The following RNMT variants were observed in gnomAD, a reference collection of about 807,000 sequenced individuals.
RNMT encodes the protein mRNA cap guanine-N(7) methyltransferase.
A neutral mutation model predicts 56.0 loss-of-function variants in RNMT; 27 were observed. The observed-to-expected ratio is 0.48, with a 90% CI of 0.36 to 0.67. The LOEUF (loss-of-function observed/expected upper bound fraction) is 0.67, where lower values mean the gene tolerates loss of function less well. Ranked by LOEUF, RNMT falls within the 30% of genes least tolerant of loss-of-function variation. RNMT has a pLI of 0.00. For synonymous variants in RNMT, 184 were observed against 176.2 expected (o/e 1.04, Z -0.35); for missense variants, 519 against 552.1 (o/e 0.94, Z 0.60).
At chr18:13,753,560 A>G (rs1347913827) in intron 10 of RNMT, among the ~76,000 whole-genome samples, 3 of 152,090 alleles carry the variant, frequency 2.0e-5, no homozygotes, top group African/African-American at 7.2e-5. Context: ...TCACAACGTC[A>G]GGAGATTGAG....
intron 9 of RNMT, among the ~76,000 whole-genome samples, chr18:13,746,808 G>A (rs573841932): frequency 3.9e-5 from 6 of 152,198 alleles, no homozygotes; most frequent in Non-Finnish European, 8.8e-5. Context: ...GTGCCTTTTG[G>A]TTACGACAGT....
chr18:13,735,566 C>G (rs1010174087), intron 4 of RNMT, among the ~76,000 whole-genome samples: 6 of 148,874 alleles, frequency 4.0e-5, no homozygotes, highest in Admixed American at 4.0e-4. Context: ...GGTTCTCTCT[C>G]TACCCCAGTC....
rs182450307 is a variant in RNMT, at chr18:13,745,179, G to A, written c.1140-1041G>A. ...CATTCCTTTACAGATGAATGTCTTC[G>A]AGACCATGTTCTGTATCCTAAGTGC... On this transcript the variant is annotated intron_variant, in intron 8 of 11. Coordinates refer to ENST00000383314, the MANE Select transcript of RNMT (RefSeq NM_003799.3). 2.3e-3 allele frequency among the ~76,000 whole-genome samples: 349 copies of A among 152,312 alleles called. 1 individual carries two copies. Among genetic ancestry groups the A allele is most frequent in the Middle Eastern group, 0.017 (5 of 294 alleles).
At position 13,762,317 on chromosome 18, in the gene RNMT, T is replaced by G; in HGVS notation, c.*2338T>G. The stretch of plus-strand genomic sequence containing the variant: ...TAGAATATACTTGAGAAAGCACTAG[T>G]GGCTTGTGTTCAGGGAGAGGAGCTG... On this transcript the variant is annotated 3_prime_UTR_variant, in exon 12 of 12. Coordinates refer to ENST00000383314, the MANE Select transcript of RNMT (RefSeq NM_003799.3). 3.5e-6 allele frequency: 3 copies of G among 852,876 alleles called. No homozygotes were observed. Among genetic ancestry groups the G allele is most frequent in the Non-Finnish European group, 5.3e-6 (3 of 571,352 alleles). The allele number at this position is 852,876 out of a possible 1,614,324, so 52.8% of individuals were successfully genotyped here.
chr18:13,732,500 C>T (rs1334353536), intron 3 of RNMT, among the ~76,000 whole-genome samples: 1 of 152,042 alleles, frequency 6.6e-6, no homozygotes, highest in Non-Finnish European at 1.5e-5. Context: ...ATGTATTTTA[C>T]ATACTGTTTT....
chr18:13,736,807 A>G (rs1315639499), intron 4 of RNMT, among the ~76,000 whole-genome samples: 4 of 152,112 alleles, frequency 2.6e-5, no homozygotes, highest in Non-Finnish European at 4.4e-5. Flanking sequence ...CCAGACACGT[A>G]CTCTTTAATG....
At chr18:13,743,474 T>C (rs148590704) in intron 8 of RNMT, among the ~76,000 whole-genome samples, 2 of 152,192 alleles carry the variant, frequency 1.3e-5, no homozygotes, top group East Asian at 1.9e-4. Context: ...GATGATAAAA[T>C]CCTGATTCAG....
At position 13,734,449 on chromosome 18, in the gene RNMT, C is replaced by A; in HGVS notation, c.418-15C>A. 6.3e-7 allele frequency: 1 copy of A among 1,582,264 alleles called. No homozygotes were observed. The highest frequency in any genetic ancestry group is 8.6e-7 in the Non-Finnish European group (1 of 1,167,226). On this transcript the variant is annotated splice_polypyrimidine_tract_variant and intron_variant, in intron 3 of 11. Coordinates refer to ENST00000383314, the MANE Select transcript of RNMT (RefSeq NM_003799.3). The stretch of plus-strand genomic sequence containing the variant: ...TTCTGATCCTTGATTTTTTTCTATT[C>A]TCTTTTATTTTCAGAATCTGGAAGA...
At chr18:13,744,159 C>CTTCTTTTTTTT (rs2044308314) in intron 8 of RNMT, among the ~76,000 whole-genome samples, 1 of 91,398 alleles carries the variant, frequency 1.1e-5, no homozygotes, top group African/African-American at 5.3e-5. Flanking sequence ...TAGCGGTCTT[C>CTTCTTTTTTTT]TTTTTTTTTT....
intron 6 of RNMT, among the ~76,000 whole-genome samples, chr18:13,740,801 A>G (rs1446363045): frequency 1.3e-5 from 2 of 152,216 alleles, no homozygotes; most frequent in African/African-American, 4.8e-5. Context: ...TTTGCTTTTA[A>G]TAATTTGAAT....
At chr18:13,756,529 A>C (rs917014521) in intron 11 of RNMT, among the ~76,000 whole-genome samples, 1 of 152,102 alleles carries the variant, frequency 6.6e-6, no homozygotes, top group Admixed American at 6.5e-5. Context: ...GTGCACGCTG[A>C]TGTGTTGCAA....
intron 9 of RNMT, among the ~76,000 whole-genome samples, chr18:13,747,715 A>C (rs1330820406): frequency 6.6e-6 from 1 of 152,210 alleles, no homozygotes; most frequent in Non-Finnish European, 1.5e-5. Context: ...ATTGTCTTTT[A>C]AGAGACATAA....
chr18:13,758,688 C>T (rs1230914842), intron 11 of RNMT, among the ~76,000 whole-genome samples: 1 of 152,150 alleles, frequency 6.6e-6, no homozygotes, highest in Non-Finnish European at 1.5e-5. Context: ...TTTCTTATTC[C>T]AGTGTGTTCA....
intron 11 of RNMT, among the ~76,000 whole-genome samples, chr18:13,755,701 C>T (rs2044531030): frequency 2.0e-5 from 3 of 152,198 alleles, no homozygotes; most frequent in Admixed American, 2.0e-4. Flanking sequence ...TCATGCTTGA[C>T]ACACTGGTGA....
At position 13,761,864 on chromosome 18, in the gene RNMT, A is replaced by AC; in HGVS notation, c.*1885_*1886insC. The AC allele has an allele frequency of 5.7e-6, 5 of 872,648 alleles. No homozygotes were observed. The highest frequency in any genetic ancestry group is 5.5e-6 in the Non-Finnish European group (4 of 725,402). 54.1% of individuals were successfully genotyped at this position (872,648 alleles called of 1,614,324 possible). ...CTACACCCCCCTCCCCCCGGCCCCA[A>AC]GCCCCTGTGTCTCCTTGTTACAATT... is the stretch of plus-strand genomic sequence containing the variant. On this transcript the variant is annotated 3_prime_UTR_variant, in exon 12 of 12. Coordinates refer to ENST00000383314, the MANE Select transcript of RNMT (RefSeq NM_003799.3).
chr18:13,758,645 C>T (rs1452143776), intron 11 of RNMT, among the ~76,000 whole-genome samples: 1 of 152,178 alleles, frequency 6.6e-6, no homozygotes, highest in African/African-American at 2.4e-5. Context: ...ACCACTCAGA[C>T]TTTTTCTGAA....
rs1421874921 is a variant in RNMT at position 13,764,510 on chromosome 18, T to C, written c.*4531T>C. 1.3e-5 allele frequency: 2 copies of C among 152,252 alleles called. No individual in the cohort carries two copies. Among genetic ancestry groups the C allele is most frequent in the Admixed American group, 6.5e-5 (1 of 15,294 alleles). The allele number at this position is 152,252 out of a possible 1,614,324, so 9.4% of individuals were successfully genotyped here. A position where few individuals can be genotyped will look rare whatever the true frequency, so the allele number is the denominator to read the frequency against. Reference sequence around the variant, plus strand: ...TGTACATGGATTTTCATTCTCATGGTTGTATAATATTTCATTGTGTGAATA... The same window carrying C: ...TGTACATGGATTTTCATTCTCATGGCTGTATAATATTTCATTGTGTGAATA... On this transcript the variant is annotated 3_prime_UTR_variant, in exon 12 of 12. Coordinates refer to ENST00000383314, the MANE Select transcript of RNMT (RefSeq NM_003799.3).
intron 5 of RNMT, among the ~76,000 whole-genome samples, chr18:13,737,839 A>G (rs1239925054): frequency 2.6e-5 from 4 of 151,912 alleles, no homozygotes; most frequent in Non-Finnish European, 5.9e-5. Context: ...TTGTAATCAG[A>G]TGGTTGAAAA....
At chr18:13,744,117 C>CA (rs1393922139) in intron 8 of RNMT, among the ~76,000 whole-genome samples, 1 of 117,044 alleles carries the variant, frequency 8.5e-6, no homozygotes, top group South Asian at 2.7e-4. Flanking sequence ...GATAATAAAA[C>CA]AAAAGATTTG....
Sources: gnomAD v4.1 joint callset for allele counts (sites outside exome capture counted in the v4.1 genomes callset) on GRCh38, gnomAD v4.1.1 for gene constraint, MANE v1.5 for transcripts, NCBI Gene and HGNC (gene_info 2026-07-23, HGNC 2026-07-21) for gene names.